COL11A1: variants seen among roughly 807,000 people sequenced by gnomAD.
COL11A1 encodes collagen alpha-1(XI) chain.
A neutral mutation model predicts 265.2 loss-of-function variants in COL11A1; 74 were observed. The ratio of observed to expected loss-of-function variants is 0.28; its 90% CI spans 0.23 to 0.34. The LOEUF is 0.34. Ranked by LOEUF, COL11A1 falls within the 10% of genes least tolerant of loss-of-function variation. The pLI is 1.00. For synonymous variants in COL11A1, 816 were observed against 727.6 expected (o/e 1.12, Z -1.96); for missense variants, 2,165 against 2,263.6 (o/e 0.96, Z 0.88).
intron 41 of COL11A1, among the ~76,000 whole-genome samples, chr1:102,956,974 T>A (rs932790432): frequency 6.6e-6 from 1 of 151,870 alleles, no homozygotes; most frequent in Non-Finnish European, 1.5e-5. Flanking sequence ...TTTTTAAAGC[T>A]ATGGTTAGCA....
At chr1:103,086,637 T>C (rs10874678) in intron 1 of COL11A1, among the ~76,000 whole-genome samples, 77,411 of 151,796 alleles carry the variant, frequency 0.51, 22,398 homozygotes, top group East Asian at 0.92. Flanking sequence ...AGGATGGTCT[T>C]GATCTCCTGA....
intron 42 of COL11A1, 117 bp downstream of exon 42, chr1:102,946,732 G>T (rs1034979443): frequency 1.2e-6 from 1 of 818,654 alleles, no homozygotes; most frequent in Non-Finnish European, 2.1e-6. Context: ...GTATTTACAT[G>T]CCAGACACAT....
intron 54 of COL11A1, among the ~76,000 whole-genome samples, chr1:102,904,970 A>G (rs1392819661): frequency 6.6e-6 from 1 of 152,066 alleles, no homozygotes; most frequent in African/African-American, 2.4e-5. Flanking sequence ...CTTGGAACCA[A>G]CCTAAATGTC....
chr1:102,991,877 A>G (rs1489746909), intron 28 of COL11A1, among the ~76,000 whole-genome samples: 1 of 149,652 alleles, frequency 6.7e-6, no homozygotes, highest in Non-Finnish European at 1.5e-5. Context: ...CATTTTCACC[A>G]TCCTGCCCAG....
chr1:103,001,508 C>T, intron 24 of COL11A1: 1 of 440,444 alleles, frequency 2.3e-6, no homozygotes, highest in Admixed American at 3.8e-5. Flanking sequence ...ATTTGCTATT[C>T]ATATATGAGA....
chr1:103,064,552 G>T (rs1168907050), intron 4 of COL11A1, among the ~76,000 whole-genome samples: 3 of 151,846 alleles, frequency 2.0e-5, no homozygotes, highest in African/African-American at 7.3e-5. Flanking sequence ...TTAGCCAGGC[G>T]TGGTGGTGGG....
intron 50 of COL11A1, among the ~76,000 whole-genome samples, chr1:102,915,313 G>A (rs1570716470): frequency 2.9e-5 from 4 of 139,026 alleles, no homozygotes; most frequent in East Asian, 2.3e-4. Context: ...CAATTGACAC[G>A]TTTATTTAAG....
intron 10 of COL11A1, 108 bp from the exon 11 acceptor site, chr1:103,017,990 C>G: frequency 1.1e-6 from 1 of 950,582 alleles, no homozygotes; most frequent in Non-Finnish European, 1.7e-6. Flanking sequence ...TAAATATACA[C>G]TAGAGTTCTA....
chr1:102,980,041 G>C (rs1393369606), intron 31 of COL11A1, among the ~76,000 whole-genome samples: 1 of 152,046 alleles, frequency 6.6e-6, no homozygotes, highest in Non-Finnish European at 1.5e-5. Context: ...GAATTCTGAA[G>C]ACATAATTTT....
At chr1:102,943,812 T>A (rs1475512259) in intron 42 of COL11A1, among the ~76,000 whole-genome samples, 1 of 152,150 alleles carries the variant, frequency 6.6e-6, no homozygotes, top group Non-Finnish European at 1.5e-5. Flanking sequence ...GTGTTTTAGA[T>A]CTAGCTCTTC....
At chr1:102,928,623 C>A (rs192711047) in intron 46 of COL11A1, among the ~76,000 whole-genome samples, 14 of 152,068 alleles carry the variant, frequency 9.2e-5, no homozygotes, top group Non-Finnish European at 1.8e-4. Flanking sequence ...AATGGGATAG[C>A]TGGGTCAAAT....
Position 102,978,723 on chromosome 1 carries a change from G to T in COL11A1, c.2739C>A (p.Gly913=), listed in dbSNP as rs1553224335. ...KGTSGGDGPP[G]PPGERGPQGP... is the part of the protein sequence containing the mutation. ...TCATACGTACTCTTTCACCTGGAGG[G>T]CCAGGAGGGCCATCGCCACCTGAAG... Residue 913 remains glycine (G), a synonymous_variant, in exon 35 of 67, where the codon GGC becomes GGA. Transcript: ENST00000370096. 6.2e-7 allele frequency: 1 copy of T among 1,613,980 alleles called. No individual in the cohort carries two copies. Among genetic ancestry groups the T allele is most frequent in the South Asian group, 1.1e-5 (1 of 91,084 alleles).
intron 4 of COL11A1, among the ~76,000 whole-genome samples, chr1:103,043,904 A>T (rs185896573): frequency 2.0e-5 from 3 of 152,222 alleles, no homozygotes; most frequent in Admixed American, 2.0e-4. Flanking sequence ...GTGTAAAATA[A>T]ATAGCCTAAC....
intron 4 of COL11A1, among the ~76,000 whole-genome samples, chr1:103,048,334 G>A (rs927265986): frequency 6.6e-6 from 1 of 152,164 alleles, no homozygotes; most frequent in African/African-American, 2.4e-5. Context: ...ATTCTTGGGA[G>A]GATGTATGTG....
At chr1:103,047,264 G>T (rs1046717676) in intron 4 of COL11A1, among the ~76,000 whole-genome samples, 7 of 152,092 alleles carry the variant, frequency 4.6e-5, no homozygotes, top group African/African-American at 1.7e-4. Flanking sequence ...CCATTTGTTT[G>T]TATCCTCTTT....
chr1:102,950,340 T>C (rs1455647592), intron 41 of COL11A1, among the ~76,000 whole-genome samples: 1 of 151,556 alleles, frequency 6.6e-6, no homozygotes, highest in Non-Finnish European at 1.5e-5. Flanking sequence ...ATTTGTAATT[T>C]TCAACAACAA....
intron 5 of COL11A1, among the ~76,000 whole-genome samples, chr1:103,030,593 A>G (rs1218713187): frequency 3.9e-5 from 6 of 151,978 alleles, no homozygotes; most frequent in Non-Finnish European, 8.8e-5. Context: ...TTTGCTCCCA[A>G]CTGAGGCTTA....
intron 31 of COL11A1, among the ~76,000 whole-genome samples, chr1:102,983,809 T>A (rs560862288): frequency 2.1e-4 from 32 of 151,900 alleles, no homozygotes; most frequent in African/African-American, 7.7e-4. Flanking sequence ...CTTAGGATAA[T>A]AGAAAGGAAA....
chr1:102,976,549 T>G (rs1418965899), intron 35 of COL11A1, among the ~76,000 whole-genome samples: 2 of 152,030 alleles, frequency 1.3e-5, no homozygotes, highest in Non-Finnish European at 2.9e-5. Flanking sequence ...TCTGCCCACC[T>G]CTGCCTCCCA....
Sources: gnomAD v4.1 joint callset for allele counts (sites outside exome capture counted in the v4.1 genomes callset) on GRCh38, gnomAD v4.1.1 for gene constraint, MANE v1.5 for transcripts, NCBI Gene and HGNC (gene_info 2026-07-23, HGNC 2026-07-21) for gene names.